The following QRICH1 variants were observed in gnomAD, a reference collection of about 807,000 sequenced individuals.
The protein encoded by QRICH1 is glutamine rich 1.
Under a neutral mutation model 87.1 loss-of-function variants are expected in QRICH1, and 16 were observed. The observed-to-expected ratio is 0.18, with a 90% confidence interval of 0.12 to 0.28. The LOEUF is 0.28. QRICH1 is among the 10% of genes least tolerant of loss of function. The pLI, the probability that QRICH1 is intolerant of heterozygous loss-of-function variation, is 1.00. For missense variants in QRICH1, 647 were observed against 951.7 expected (o/e 0.68, Z 4.21); for synonymous variants, 367 against 368.4 (o/e 1.00, Z 0.05).
At chr3:49,068,697 C>T (rs1009973834) in intron 2 of QRICH1, among the ~76,000 whole-genome samples, 2 of 150,424 alleles carry the variant, frequency 1.3e-5, no homozygotes, top group Non-Finnish European at 1.5e-5. Flanking sequence ...GGCACGATCT[C>T]GGCTCACTGC....
intron 6 of QRICH1, chr3:49,033,478 T>C (rs1041762065): frequency 2.4e-5 from 8 of 331,770 alleles, no homozygotes; most frequent in East Asian, 9.2e-5. Flanking sequence ...CCTTACATGA[T>C]TGTTGTTACC....
At chr3:49,078,369 A>C (rs1050757245) in intron 1 of QRICH1, among the ~76,000 whole-genome samples, 8 of 148,394 alleles carry the variant, frequency 5.4e-5, no homozygotes, top group Non-Finnish European at 3.0e-5. Flanking sequence ...AATGTGGAAA[A>C]CGAAGAATTA....
chr3:49,091,233 A>C (rs1431892070), intron 1 of QRICH1, among the ~76,000 whole-genome samples: 1 of 152,318 alleles, frequency 6.6e-6, no homozygotes, highest in Non-Finnish European at 1.5e-5. Flanking sequence ...AAAAAATAAT[A>C]ATAAAAATAA....
At chr3:49,031,532 G>T (rs1559921268) in intron 9 of QRICH1, among the ~76,000 whole-genome samples, 1 of 152,314 alleles carries the variant, frequency 6.6e-6, no homozygotes, top group East Asian at 1.9e-4. Context: ...TTACAGATAG[G>T]AGGGGACACA....
intron 1 of QRICH1, among the ~76,000 whole-genome samples, chr3:49,077,830 A>G (rs893693095): frequency 6.6e-6 from 1 of 152,214 alleles, no homozygotes; most frequent in Non-Finnish European, 1.5e-5. Context: ...AACTAATACT[A>G]TTAAAATAAT....
intron 3 of QRICH1, among the ~76,000 whole-genome samples, chr3:49,052,148 T>C (rs963282389): frequency 1.3e-5 from 2 of 152,038 alleles, no homozygotes; most frequent in African/African-American, 4.8e-5. Context: ...GTGGAGATGA[T>C]ATAAGAGATT....
At chr3:49,063,278 T>C (rs569264188) in intron 2 of QRICH1, among the ~76,000 whole-genome samples, 1 of 152,334 alleles carries the variant, frequency 6.6e-6, no homozygotes, top group South Asian at 2.1e-4. Context: ...GTAGTTTCCA[T>C]GCCAACAGCA....
intron 2 of QRICH1, among the ~76,000 whole-genome samples, chr3:49,074,468 A>T (rs2041909129): frequency 6.6e-6 from 1 of 151,906 alleles, no homozygotes; most frequent in Non-Finnish European, 1.5e-5. Context: ...GCTACTCGGG[A>T]GGCTGAGGCA....
chr3:49,040,678 A>G (rs1279585416), intron 6 of QRICH1, among the ~76,000 whole-genome samples: 1 of 152,190 alleles, frequency 6.6e-6, no homozygotes, highest in Non-Finnish European at 1.5e-5. Flanking sequence ...ATTAAATTAA[A>G]CAGGGATTAA....
chr3:49,034,607 T>C (rs2093263389), intron 6 of QRICH1, among the ~76,000 whole-genome samples: 1 of 152,204 alleles, frequency 6.6e-6, no homozygotes, highest in African/African-American at 2.4e-5. Flanking sequence ...CCACCACGCC[T>C]AGCCAATATG....
At position 49,030,355 on chromosome 3, in the gene QRICH1, TA is replaced by T. The variant is rs1202103307; in HGVS notation, c.*96del. On this transcript the variant is annotated 3_prime_UTR_variant, in exon 10 of 10. Transcript: ENST00000395443. ...CTGAAAGGCTTCGTAACTACACCAA[TA>T]AAAAAAAGAAAAAAAAAAATGGAGG... 2.6e-5 allele frequency: 32 copies of T among 1,219,398 alleles called. No homozygotes were observed. The highest frequency in any genetic ancestry group is 3.1e-5 in the Non-Finnish European group (27 of 879,450). 75.5% of individuals were successfully genotyped at this position (1,219,398 alleles called of 1,614,324 possible).
chr3:49,039,011 A>G (rs978462359), intron 6 of QRICH1, among the ~76,000 whole-genome samples: 1 of 152,084 alleles, frequency 6.6e-6, no homozygotes, highest in African/African-American at 2.4e-5. Context: ...TGGAAGACAA[A>G]GTGAGACTCC....
chr3:49,038,106 G>A (rs899572140), intron 6 of QRICH1, among the ~76,000 whole-genome samples: 1 of 151,522 alleles, frequency 6.6e-6, no homozygotes, highest in Non-Finnish European at 1.5e-5. Context: ...CTGTTGCCCA[G>A]GCTAGAGGGC....
At chr3:49,033,489 C>T (rs996163295) in intron 6 of QRICH1, 7 of 311,604 alleles carry the variant, frequency 2.2e-5, no homozygotes, top group African/African-American at 4.3e-5. Context: ...TGTTGTTACC[C>T]TCTAATCCAA....
Position 49,063,856 on chromosome 3 carries a change from T to TGCGCCACC in QRICH1, c.310-5967_310-5966insGGTGGCGC, listed in dbSNP as rs2093449932. The stretch of plus-strand genomic sequence containing the variant: ...CAAAAGAACTTGTTTACATAGGTTA[T>TGCGCCACC]ATCTAGTAATATTTACTTGTACTCT... On this transcript the variant is annotated intron_variant, in intron 2 of 9. Coordinates refer to ENST00000395443, the MANE Select transcript of QRICH1 (RefSeq NM_198880.3). Among the ~76,000 whole-genome samples, 5 of 152,342 alleles carry TGCGCCACC rather than the reference T, an allele frequency of 3.3e-5. No individual in the cohort carries two copies. The South Asian group carries it at 8.3e-4, about 25-fold the overall frequency.
chr3:49,030,161 C>T lies in QRICH1; in HGVS notation c.*291G>A. ...AAGGGGCCACATTTCTTTTCACAGT[C>T]CAAGCCCTTTCCCCAGGCCCCAGAC... On this transcript the variant is annotated 3_prime_UTR_variant, in exon 10 of 10. Coordinates refer to ENST00000395443, the MANE Select transcript of QRICH1 (RefSeq NM_198880.3). 6.0e-6 allele frequency: 3 copies of T among 502,746 alleles called. No individual in the cohort carries two copies. The highest frequency in any genetic ancestry group is 6.3e-5 in the South Asian group (2 of 31,878). The allele number at this position is 502,746 out of a possible 1,614,324, so 31.1% of individuals were successfully genotyped here.
intron 2 of QRICH1, among the ~76,000 whole-genome samples, chr3:49,061,682 G>A (rs1441266185): frequency 3.9e-5 from 6 of 151,900 alleles, no homozygotes; most frequent in Non-Finnish European, 5.9e-5. Context: ...GTGAAACCCC[G>A]TCTCTACTAA....
rs2106904913 is a variant in QRICH1 at position 49,057,245 on chromosome 3, G to A, written c.955C>T (p.Arg319Trp). Residue 319 changes from arginine to tryptophan, a missense_variant, in exon 3 of 10, where the codon CGG (arginine) becomes TGG (tryptophan). By Grantham distance (101) the Arg-to-Trp change is moderately radical. Coordinates refer to ENST00000395443, the MANE Select transcript of QRICH1 (RefSeq NM_198880.3). The surrounding 1 kb of genome is among the most constrained non-coding windows in gnomAD (Gnocchi z 5.4). ...WTIPVYSAQP[R>W]GDPQQQSITH... Reference sequence around the variant, plus strand: ...ATGCTCTGCTGCTGAGGGTCCCCCCGGGGCTGGGCAGAATAAACAGGGATG... The same window carrying A: ...ATGCTCTGCTGCTGAGGGTCCCCCCAGGGCTGGGCAGAATAAACAGGGATG... The A allele has an allele frequency of 6.2e-7, 1 of 1,614,176 alleles. No homozygotes were observed. Among genetic ancestry groups the A allele is most frequent in the Non-Finnish European group, 8.5e-7 (1 of 1,180,028 alleles).
At chr3:49,055,440 G>A (rs2093395545) in intron 3 of QRICH1, among the ~76,000 whole-genome samples, 1 of 152,132 alleles carries the variant, frequency 6.6e-6, no homozygotes, top group Admixed American at 6.6e-5. Context: ...AAATGCAATG[G>A]CATGATCATA....
Sources: allele counts gnomAD v4.1 joint callset (sites outside exome capture counted in the v4.1 genomes callset), GRCh38; gene constraint gnomAD v4.1.1; non-coding constraint Gnocchi (gnomAD v3.1); transcripts MANE v1.5; gene names NCBI Gene and HGNC (gene_info 2026-07-23, HGNC 2026-07-21).